The following CHODL variants were observed in gnomAD, a reference collection of about 807,000 sequenced individuals.
CHODL encodes chondrolectin.
Under a neutral mutation model 34.5 loss-of-function variants are expected in CHODL, and 29 were observed. The ratio of observed to expected loss-of-function variants is 0.84; its 90% CI spans 0.63 to 1.15. The LOEUF (loss-of-function observed/expected upper bound fraction) is 1.15. Ranked by LOEUF, CHODL falls within the 50% of genes most tolerant of loss-of-function variation. The pLI is 0.00. For synonymous variants in CHODL, 125 were observed against 116.1 expected (o/e 1.08, Z -0.49); for missense variants, 332 against 332.5 (o/e 1.00, Z 0.01).
intron 2 of CHODL, among the ~76,000 whole-genome samples, chr21:18,095,745 T>A (rs1323283881): frequency 6.6e-6 from 1 of 152,154 alleles, no homozygotes; most frequent in Non-Finnish European, 1.5e-5. Flanking sequence ...ATTAATGCAA[T>A]GATTCTCAAG....
chr21:18,053,750 G>T (rs1356567511), intron 2 of CHODL, among the ~76,000 whole-genome samples: 2 of 151,874 alleles, frequency 1.3e-5, no homozygotes, highest in Non-Finnish European at 2.9e-5. Context: ...GGAGGCAATA[G>T]ATTGCTTTTC....
intron 2 of CHODL, among the ~76,000 whole-genome samples, chr21:18,095,410 A>G (rs1210519688): frequency 2.0e-5 from 3 of 152,162 alleles, no homozygotes; most frequent in Non-Finnish European, 2.9e-5. Context: ...AAACTAAAAG[A>G]AATGGGTAAA....
At chr21:18,099,039 C>G (rs1308745884) in intron 2 of CHODL, among the ~76,000 whole-genome samples, 1 of 151,828 alleles carries the variant, frequency 6.6e-6, no homozygotes. Flanking sequence ...CAATTGAACC[C>G]ATGAAGATAG....
At chr21:18,208,428 C>A (rs2073737534) in intron 2 of CHODL, among the ~76,000 whole-genome samples, 1 of 152,038 alleles carries the variant, frequency 6.6e-6, no homozygotes, top group South Asian at 2.1e-4. Flanking sequence ...AAAACAGCTA[C>A]TTTGAATTCT....
At chr21:18,030,388 A>G (rs1305688535) in intron 2 of CHODL, among the ~76,000 whole-genome samples, 2 of 152,170 alleles carry the variant, frequency 1.3e-5, no homozygotes, top group Non-Finnish European at 2.9e-5. Flanking sequence ...CCTTCAGTTG[A>G]GCCAGTAGGC....
Position 18,262,902 on chromosome 21 carries a change from CT to C in CHODL, c.737+10del, listed in dbSNP as rs1252867332. ...CAGATGCTGCATAAAAGGTAAATAA[CT>C]CATATATGTAGAGACAATTTGAAAA... On this transcript the variant is annotated intron_variant, in intron 5 of 5. Transcript: ENST00000299295. The C allele has an allele frequency of 6.8e-7, 1 of 1,481,436 alleles. No homozygotes were observed. The highest frequency in any genetic ancestry group is 1.1e-5 in the South Asian group (1 of 88,240). The allele number at this position is 1,481,436 out of a possible 1,614,324, so 91.8% of individuals were successfully genotyped here.
At chr21:18,003,648 A>C (rs1242928874) in intron 1 of CHODL, among the ~76,000 whole-genome samples, 2 of 152,182 alleles carry the variant, frequency 1.3e-5, no homozygotes, top group Non-Finnish European at 2.9e-5. Context: ...GGCTAAGAGA[A>C]ACATTTTATT....
intron 1 of CHODL, among the ~76,000 whole-genome samples, chr21:18,255,871 G>C (rs890863572): frequency 6.6e-6 from 1 of 151,862 alleles, no homozygotes; most frequent in African/African-American, 2.4e-5. Flanking sequence ...TCAAAAAATT[G>C]GTAATGAGAT....
At chr21:18,197,422 C>T (rs1048434433) in intron 2 of CHODL, among the ~76,000 whole-genome samples, 11 of 152,066 alleles carry the variant, frequency 7.2e-5, no homozygotes, top group Non-Finnish European at 1.5e-4. Flanking sequence ...ACCAACCTGG[C>T]CAACATGGTG....
At chr21:18,258,633 A>G (rs1428612995) in intron 3 of CHODL, among the ~76,000 whole-genome samples, 1 of 151,952 alleles carries the variant, frequency 6.6e-6, no homozygotes, top group African/African-American at 2.4e-5. Flanking sequence ...TATCTTCTCC[A>G]TTCTACCCAA....
intron 2 of CHODL, among the ~76,000 whole-genome samples, chr21:18,077,959 G>T (rs158033): frequency 2.0e-5 from 3 of 152,034 alleles, no homozygotes; most frequent in Admixed American, 6.5e-5. Context: ...TGAAGAAGAA[G>T]GGGAGATTTA....
intron 2 of CHODL, among the ~76,000 whole-genome samples, chr21:18,234,707 G>A (rs914972109): frequency 1.3e-5 from 2 of 152,006 alleles, no homozygotes; most frequent in African/African-American, 4.8e-5. Context: ...ACATAAGAAG[G>A]GGGTAGAACA....
chr21:18,050,701 G>C (rs991577265), intron 2 of CHODL, among the ~76,000 whole-genome samples: 1 of 151,862 alleles, frequency 6.6e-6, no homozygotes, highest in Non-Finnish European at 1.5e-5. Flanking sequence ...ACTTACGTAA[G>C]GATCATGATT....
intron 2 of CHODL, among the ~76,000 whole-genome samples, chr21:18,192,413 ATG>A (rs1331043487): frequency 6.6e-6 from 1 of 152,176 alleles, no homozygotes; most frequent in African/African-American, 2.4e-5. Flanking sequence ...TGAAAAAGAA[ATG>A]TGTATGCATC....
At chr21:18,083,270 T>C in intron 2 of CHODL, among the ~76,000 whole-genome samples, 1 of 152,210 alleles carries the variant, frequency 6.6e-6, no homozygotes, top group East Asian at 1.9e-4. Context: ...AGGCAAGAAT[T>C]TGGGAACCTC....
chr21:18,214,865 A>G (rs1027789190), intron 2 of CHODL, among the ~76,000 whole-genome samples: 2 of 152,116 alleles, frequency 1.3e-5, no homozygotes, highest in African/African-American at 4.8e-5. Flanking sequence ...GCATTGTTTG[A>G]AAGATTCTTT....
At chr21:18,156,490 T>A (rs901671830) in intron 2 of CHODL, among the ~76,000 whole-genome samples, 2 of 152,154 alleles carry the variant, frequency 1.3e-5, no homozygotes, top group East Asian at 3.8e-4. Flanking sequence ...TTTTAAAAAA[T>A]AATTTTAAAA....
intron 2 of CHODL, among the ~76,000 whole-genome samples, chr21:18,110,674 G>A (rs761934626): frequency 2.0e-5 from 3 of 152,162 alleles, no homozygotes; most frequent in Non-Finnish European, 4.4e-5. Context: ...ACTTTAGAAT[G>A]AGAGTGGGAA....
At chr21:17,945,698 G>A (rs1356418596) in intron 1 of CHODL, among the ~76,000 whole-genome samples, 1 of 152,162 alleles carries the variant, frequency 6.6e-6, no homozygotes, top group Non-Finnish European at 1.5e-5. Context: ...TAAAATGATG[G>A]CTAAAATTTT....
Sources: gnomAD v4.1 joint callset for allele counts (sites outside exome capture counted in the v4.1 genomes callset) on GRCh38, gnomAD v4.1.1 for gene constraint, MANE v1.5 for transcripts, NCBI Gene and HGNC (gene_info 2026-07-23, HGNC 2026-07-21) for gene names.